Variants in ORM1 observed in about 807,000 individuals in gnomAD.
ORM1 encodes alpha-1-acid glycoprotein 1.
Under a neutral mutation model 26.9 loss-of-function variants are expected in ORM1, and 13 were observed. That is an observed-to-expected ratio of 0.48 (90% CI 0.31 to 0.77). The LOEUF is 0.77. ORM1 is among the 30% of genes least tolerant of loss of function. The pLI, the probability that ORM1 is intolerant of heterozygous loss-of-function variation, is 0.04. For synonymous variants in ORM1, 76 were observed against 102.2 expected (o/e 0.74, Z 1.55); for missense variants, 189 against 246.8 (o/e 0.77, Z 1.57).
chr9:114,324,080 C>T lies in ORM1; in HGVS notation c.320C>T (p.Ser107Phe). The change falls in exon 3 of 6, where the codon TCC becomes TTC. Residue 107 changes from serine (S) to phenylalanine (F), a missense_variant. This residue lies in a region of ORM1 where 163 missense variants were observed against 157.7 expected (regional missense o/e 1.03). Coordinates refer to ENST00000259396, the MANE Select transcript of ORM1 (RefSeq NM_000607.4). Reference protein sequence around the residue: ...LNVQRENGTISRYVGGQEHFA... With the variant: ...LNVQRENGTIFRYVGGQEHFA... ...GTCCAGCGGGAAAATGGGACCATCT[C>T]CAGATACGGTGAGGGCCAGCCCTCA... 1 of 1,614,020 alleles carries T rather than the reference C, an allele frequency of 6.2e-7. No individual in the cohort carries two copies. The highest frequency in any genetic ancestry group is 8.5e-7 in the Non-Finnish European group (1 of 1,179,934).
At position 114,325,118 on chromosome 9, in the gene ORM1, C is replaced by T. The variant is rs1453063486; in HGVS notation, c.506C>T (p.Pro169Leu). 4.3e-6 allele frequency: 7 copies of T among 1,613,892 alleles called. No homozygotes were observed. Among genetic ancestry groups the T allele is most frequent in the Non-Finnish European group, 5.9e-6 (7 of 1,179,880 alleles). ...GAAGCTCTCGACTGCTTGCGCATTC[C>T]CAAGTCAGATGTCGTGTACACCGAT... ...FYEALDCLRI[P>L]KSDVVYTDWK... Residue 169 changes from proline to leucine, a missense_variant, in exon 5 of 6, where the codon CCC (proline) becomes CTC (leucine). This residue lies in a region of ORM1 where 163 missense variants were observed against 157.7 expected (regional missense o/e 1.03). Coordinates refer to ENST00000259396, the MANE Select transcript of ORM1 (RefSeq NM_000607.4).
Position 114,323,358 on chromosome 9 carries a change from T to C in ORM1, c.114+111T>C, listed in dbSNP as rs1829715124. 3 of 1,586,026 alleles carry C rather than the reference T, an allele frequency of 1.9e-6. No individual in the cohort carries two copies. In the South Asian group the frequency reaches 3.4e-5, roughly 18 times the overall value. ...GACCCCCACTCCCGGCTCTGCCTTT[T>C]TCTCTTCTGGGTCCCCAGGGTGAAA... On this transcript the variant is annotated intron_variant, in intron 1 of 5. Coordinates refer to ENST00000259396, the MANE Select transcript of ORM1 (RefSeq NM_000607.4).
At position 114,326,419 on chromosome 9, in the gene ORM1, T is replaced by C. The variant is rs1829771090; in HGVS notation, c.*62T>C. 1.8e-6 allele frequency: 2 copies of C among 1,132,922 alleles called. No homozygotes were observed. The highest frequency in any genetic ancestry group is 2.3e-5 in the Admixed American group (1 of 42,998). The allele number at this position is 1,132,922 out of a possible 1,614,324, so 70.2% of individuals were successfully genotyped here. A position where few individuals can be genotyped will look rare whatever the true frequency, so the allele number is the denominator to read the frequency against. ...GCCATCCTGCCCCTCCAACCCGACA[T>C]GTGTACCTCAGCTTTTTCCCTCACT... On this transcript the variant is annotated 3_prime_UTR_variant, in exon 6 of 6. Coordinates refer to ENST00000259396, the MANE Select transcript of ORM1 (RefSeq NM_000607.4).
At position 114,324,841 on chromosome 9, in the gene ORM1, C is replaced by G; in HGVS notation, c.380C>G (p.Thr127Ser). Residue 127 changes from threonine to serine, a missense_variant, in exon 4 of 6, where the codon ACC becomes AGC. Thr to Ser is a moderately conservative substitution (Grantham distance 58). Around this residue, in one of 3 missense-constraint regions of ORM1, gnomAD observed 163 missense variants for 157.7 expected, o/e 1.03. Coordinates refer to ENST00000259396, the MANE Select transcript of ORM1 (RefSeq NM_000607.4). The part of the protein sequence containing the change: ...AHLLILRDTK[T>S]YMLAFDVNDE... ...TTGCTGATCCTCAGGGACACCAAGA[C>G]CTACATGCTTGCTTTTGACGTGAAC... 6.2e-7 allele frequency: 1 copy of G among 1,614,138 alleles called. No individual in the cohort carries two copies. Among genetic ancestry groups the G allele is most frequent in the Non-Finnish European group, 8.5e-7 (1 of 1,180,024 alleles).
Position 114,324,853 on chromosome 9 carries a change from C to A in ORM1, c.392C>A (p.Ala131Asp). 1 of 1,614,210 alleles carries A rather than the reference C, an allele frequency of 6.2e-7. No individual in the cohort carries two copies. Among genetic ancestry groups the A allele is most frequent in the Non-Finnish European group, 8.5e-7 (1 of 1,180,020 alleles). The change falls in exon 4 of 6, where the codon GCT (alanine) becomes GAT (aspartate). Residue 131 changes from alanine (A) to aspartate (D), a missense_variant. Ala to Asp is a moderately radical substitution (Grantham distance 126). Transcript: ENST00000259396. ...ILRDTKTYML[A>D]FDVNDEKNWG... is the part of the protein sequence containing the mutation. ...AGGGACACCAAGACCTACATGCTTG[C>A]TTTTGACGTGAACGATGAGAAGAAC...
Position 114,324,796 on chromosome 9 carries a change from G to T in ORM1, c.335G>T (p.Gly112Val), listed in dbSNP as rs1277033020. The change falls in exon 4 of 6, where the codon GGC becomes GTC. Residue 112 changes from glycine to valine, a missense_variant. Gly to Val is a moderately radical substitution (Grantham distance 109, BLOSUM62 -3). Transcript: ENST00000259396. ...ENGTISRYVGGQEHFAHLLIL... is the reference protein window; with the variant it reads ...ENGTISRYVGVQEHFAHLLIL... ...GGCTCCTTTTCTCTTCCAGTGGGAG[G>T]CCAAGAGCATTTCGCTCACTTGCTG... 1.9e-6 allele frequency: 3 copies of T among 1,613,440 alleles called. No individual in the cohort carries two copies. Among genetic ancestry groups the T allele is most frequent in the East Asian group, 4.5e-5 (2 of 44,876 alleles).
chr9:114,324,701 C>A (rs1829740084), intron 3 of ORM1, 89 bp from the exon 4 acceptor site: 1 of 1,067,990 alleles, frequency 9.4e-7, no homozygotes, highest in Admixed American at 2.1e-5. Context: ...GGCTGTGTGG[C>A]CACTGACACA....
At position 114,324,160 on chromosome 9, in the gene ORM1, T is replaced by G. The variant is rs1175773254; in HGVS notation, c.328+72T>G. ...AGGCCAGCATAAGGTGGGGGCTGGA[T>G]GTAGAGCCCTGGAGGCTTTGGGCAC... On this transcript the variant is annotated intron_variant, in intron 3 of 5. Coordinates refer to ENST00000259396, the MANE Select transcript of ORM1 (RefSeq NM_000607.4). The G allele has an allele frequency of 6.6e-6, 9 of 1,370,772 alleles. No homozygotes were observed. The African/African-American group carries it at 1.3e-4, about 20-fold the overall frequency. 84.9% of individuals were successfully genotyped at this position (1,370,772 alleles called of 1,614,324 possible).
intron 5 of ORM1, 75 bp from the exon 6 acceptor site, chr9:114,326,217 C>A: frequency 6.3e-7 from 1 of 1,591,958 alleles, no homozygotes; most frequent in Non-Finnish European, 8.5e-7. Flanking sequence ...TCATTCTGCC[C>A]TCTCCCTGGA....
Position 114,323,734 on chromosome 9 carries a change from C to A in ORM1, c.186C>A (p.Ile62=). The A allele has an allele frequency of 6.2e-7, 1 of 1,613,988 alleles. No individual in the cohort carries two copies. ...AGTACAATAAGTCGGTTCAGGAGAT[C>A]CAAGCAACCTTCTTTTACTTCACCC... ...NEEYNKSVQE[I]QATFFYFTPN... The change falls in exon 2 of 6, where the codon ATC becomes ATA. Residue 62 remains isoleucine, a synonymous_variant. Transcript: ENST00000259396.
chr9:114,325,494 C>T (rs1222697349), intron 5 of ORM1, among the ~76,000 whole-genome samples: 2 of 151,594 alleles, frequency 1.3e-5, no homozygotes, highest in African/African-American at 4.9e-5. Context: ...TTCACCCCAC[C>T]TCCACTCCCC....
intron 5 of ORM1, among the ~76,000 whole-genome samples, chr9:114,325,504 C>T (rs1175972628): frequency 2.5e-4 from 38 of 150,412 alleles, no homozygotes; most frequent in Admixed American, 6.6e-4. Flanking sequence ...CTCCACTCCC[C>T]ACTCATTTTT....
chr9:114,324,879 T>G lies in ORM1; in HGVS notation c.418T>G (p.Trp140Gly). The G allele has an allele frequency of 6.2e-7, 1 of 1,614,062 alleles. No individual in the cohort carries two copies. The highest frequency in any genetic ancestry group is 8.5e-7 in the Non-Finnish European group (1 of 1,179,954). Reference sequence around the variant, plus strand: ...TTTTGACGTGAACGATGAGAAGAACTGGGGGCTGTCTGTCTATGGTAGGCA... The same window carrying G: ...TTTTGACGTGAACGATGAGAAGAACGGGGGGCTGTCTGTCTATGGTAGGCA... ...LAFDVNDEKN[W>G]GLSVYADKPE... is the part of the protein sequence containing the mutation. The change falls in exon 4 of 6, where the codon TGG becomes GGG. Residue 140 changes from tryptophan to glycine, a missense_variant. By Grantham distance (184) the Trp-to-Gly change is radical (BLOSUM62 -2). Around this residue, in one of 3 missense-constraint regions of ORM1, gnomAD observed 163 missense variants for 157.7 expected, o/e 1.03. Coordinates refer to ENST00000259396, the MANE Select transcript of ORM1 (RefSeq NM_000607.4).
chr9:114,325,521 C>T (rs1158549691), intron 5 of ORM1, among the ~76,000 whole-genome samples: 4 of 151,842 alleles, frequency 2.6e-5, no homozygotes, highest in South Asian at 2.1e-4. Context: ...TTTTAATACC[C>T]GTGCAGTGGG....
intron 3 of ORM1, among the ~76,000 whole-genome samples, chr9:114,324,363 C>G (rs1464734487): frequency 6.6e-6 from 1 of 152,128 alleles, no homozygotes; most frequent in Non-Finnish European, 1.5e-5. Context: ...TCAGATCTGC[C>G]TCTCTCTCAT....
chr9:114,324,932 T>A (rs10982154), intron 4 of ORM1, 35 bp downstream of exon 4: 108,909 of 1,590,830 alleles, frequency 0.068, 182 homozygotes, highest in Middle Eastern at 0.097. Flanking sequence ...CTCATGCCCC[T>A]CTCAGGCCTC....
chr9:114,325,930 T>G (rs1383673522), intron 5 of ORM1, among the ~76,000 whole-genome samples: 1 of 152,106 alleles, frequency 6.6e-6, no homozygotes, highest in Non-Finnish European at 1.5e-5. Context: ...ACTGTCTGGC[T>G]AGGGAGCCTC....
At chr9:114,325,537 G>A (rs998553412) in intron 5 of ORM1, among the ~76,000 whole-genome samples, 3 of 151,904 alleles carry the variant, frequency 2.0e-5, no homozygotes, top group Admixed American at 2.0e-4. Context: ...GTGGGGAATT[G>A]ATACTGTGGT....
Position 114,323,760 on chromosome 9 carries a change from C to G in ORM1, c.212C>G (p.Pro71Arg). ...EIQATFFYFT[P>R]NKTEDTIFLR... ...CAAGCAACCTTCTTTTACTTCACCC[C>G]CAACAAGACAGAGGACACGATCTTT... The change falls in exon 2 of 6, where the codon CCC (proline) becomes CGC (arginine). Residue 71 changes from proline (P) to arginine (R), a missense_variant. By Grantham distance (103) the Pro-to-Arg change is moderately radical. Around this residue, in one of 3 missense-constraint regions of ORM1, gnomAD observed 163 missense variants for 157.7 expected, o/e 1.03. Coordinates refer to ENST00000259396, the MANE Select transcript of ORM1 (RefSeq NM_000607.4). 6.2e-7 allele frequency: 1 copy of G among 1,613,988 alleles called. No homozygotes were observed. The highest frequency in any genetic ancestry group is 8.5e-7 in the Non-Finnish European group (1 of 1,179,952).
Sources: allele counts gnomAD v4.1 joint callset (sites outside exome capture counted in the v4.1 genomes callset), GRCh38; gene constraint gnomAD v4.1.1; regional missense constraint gnomAD v4.1.1; transcripts MANE v1.5; gene names NCBI Gene and HGNC (gene_info 2026-07-23, HGNC 2026-07-21).